The following ZCCHC7 variants were observed in gnomAD, a reference collection of about 807,000 sequenced individuals.
ZCCHC7 encodes zinc finger CCHC domain-containing protein 7.
In ZCCHC7, 35 loss-of-function variants were observed where a neutral mutation model predicts 52.0. The ratio of observed to expected loss-of-function variants is 0.67; its 90% confidence interval spans 0.51 to 0.89. ZCCHC7 has a LOEUF of 0.89. Among genes scored for constraint, ZCCHC7 ranks in the 40% least tolerant of loss-of-function variants. The pLI is 0.00. For synonymous variants in ZCCHC7, 217 were observed against 221.5 expected (o/e 0.98, Z 0.18); for missense variants, 574 against 649.1 (o/e 0.88, Z 1.26).
intron 2 of ZCCHC7, among the ~76,000 whole-genome samples, chr9:37,151,010 G>A (rs1429254960): frequency 6.7e-6 from 1 of 148,932 alleles, no homozygotes; most frequent in African/African-American, 2.5e-5. Context: ...TGTTGCTCTG[G>A]CTGGAGTGCA....
At chr9:37,168,076 T>C (rs1821525583) in intron 2 of ZCCHC7, among the ~76,000 whole-genome samples, 1 of 152,204 alleles carries the variant, frequency 6.6e-6, no homozygotes, top group Admixed American at 6.5e-5. Flanking sequence ...TCTTCCTGGG[T>C]TCTCATCCCT....
intron 2 of ZCCHC7, among the ~76,000 whole-genome samples, chr9:37,255,437 C>T (rs1013626198): frequency 6.6e-6 from 1 of 152,080 alleles, no homozygotes; most frequent in Non-Finnish European, 1.5e-5. Flanking sequence ...TGGACAAAGG[C>T]ATGATTCACA....
intron 5 of ZCCHC7, among the ~76,000 whole-genome samples, chr9:37,320,987 CTTTTTTTTTT>C (rs11303114): frequency 1.7e-5 from 2 of 116,226 alleles, no homozygotes; most frequent in Non-Finnish European, 3.6e-5. Flanking sequence ...TTTCTTTTTT[CTTTTTTTTTT>C]TTTTTTTTTG....
At chr9:37,335,506 C>T (rs893285820) in intron 6 of ZCCHC7, among the ~76,000 whole-genome samples, 18 of 152,084 alleles carry the variant, frequency 1.2e-4, no homozygotes, top group Admixed American at 3.9e-4. Flanking sequence ...GTTAAGTATA[C>T]GATGAGATGA....
intron 5 of ZCCHC7, among the ~76,000 whole-genome samples, chr9:37,315,395 G>A (rs1024894254): frequency 6.6e-6 from 1 of 151,604 alleles, no homozygotes; most frequent in African/African-American, 2.4e-5. Flanking sequence ...CGTGATCTTC[G>A]TTTGTTGTAA....
At chr9:37,170,327 T>A (rs1382416181) in intron 2 of ZCCHC7, among the ~76,000 whole-genome samples, 1 of 152,174 alleles carries the variant, frequency 6.6e-6, no homozygotes, top group Non-Finnish European at 1.5e-5. Context: ...TTAATTGAAA[T>A]TTTCCAAAGA....
intron 2 of ZCCHC7, among the ~76,000 whole-genome samples, chr9:37,225,610 T>C (rs1825057461): frequency 6.6e-6 from 1 of 152,190 alleles, no homozygotes; most frequent in Non-Finnish European, 1.5e-5. Context: ...TGAAGTTCAT[T>C]CTAGGAAGAA....
At chr9:37,324,645 C>T (rs969198115) in intron 5 of ZCCHC7, among the ~76,000 whole-genome samples, 4 of 152,166 alleles carry the variant, frequency 2.6e-5, no homozygotes, top group Non-Finnish European at 5.9e-5. Flanking sequence ...TATTCATATA[C>T]CAAATACAGT....
chr9:37,337,127 CT>C lies in ZCCHC7; in HGVS notation c.987+9294del, dbSNP rs146812746. Reference sequence around the variant, plus strand: ...AAGCGGATCTATTTCTTTATTTCCCCTAAAAGTGATTCCTTCTTCTGTCCAT... The same window carrying C: ...AAGCGGATCTATTTCTTTATTTCCCCAAAAGTGATTCCTTCTTCTGTCCAT... On this transcript the variant is annotated intron_variant, in intron 6 of 8. Transcript: ENST00000336755. 8.0e-4 allele frequency among the ~76,000 whole-genome samples: 121 copies of C among 152,178 alleles called. 2 individuals are homozygous for C. In the East Asian group the frequency reaches 0.023, roughly 29 times the overall value.
chr9:37,310,011 A>C (rs912020605), intron 5 of ZCCHC7, among the ~76,000 whole-genome samples: 3 of 152,164 alleles, frequency 2.0e-5, no homozygotes, highest in African/African-American at 7.2e-5. Context: ...CCAGATTACC[A>C]GATATATGTA....
At chr9:37,211,374 G>T (rs1442900522) in intron 2 of ZCCHC7, among the ~76,000 whole-genome samples, 1 of 151,958 alleles carries the variant, frequency 6.6e-6, no homozygotes, top group Non-Finnish European at 1.5e-5. Context: ...TTGGGGTTTT[G>T]GTTTTGGTTT....
In ZCCHC7 at chr9:37,159,580, C is replaced by G. The variant is rs547572567; in HGVS notation, c.610+32638C>G. 2.6e-5 allele frequency among the ~76,000 whole-genome samples: 4 copies of G among 152,292 alleles called. No individual in the cohort carries two copies. In the East Asian group the frequency reaches 7.7e-4, roughly 29 times the overall value. ...TCTGCTGTTATAGCTGACATTATTA[C>G]TGTATCTCAATGATTTTTGAGATTT... On this transcript the variant is annotated intron_variant, in intron 2 of 8. Transcript: ENST00000336755.
chr9:37,351,144 C>T (rs1044394950), intron 7 of ZCCHC7, among the ~76,000 whole-genome samples: 2 of 152,086 alleles, frequency 1.3e-5, no homozygotes, highest in Admixed American at 1.3e-4. Context: ...ATTGGGGCAG[C>T]AGCAACCGTG....
At chr9:37,265,107 A>G (rs1827040159) in intron 2 of ZCCHC7, among the ~76,000 whole-genome samples, 1 of 152,208 alleles carries the variant, frequency 6.6e-6, no homozygotes, top group Non-Finnish European at 1.5e-5. Flanking sequence ...TTTAGCAATT[A>G]TGAATCTCTT....
At chr9:37,218,894 C>A (rs933915633) in intron 2 of ZCCHC7, among the ~76,000 whole-genome samples, 9 of 150,776 alleles carry the variant, frequency 6.0e-5, no homozygotes, top group African/African-American at 1.7e-4. Flanking sequence ...GTGGGCAGCT[C>A]TGTAACTCTG....
intron 2 of ZCCHC7, among the ~76,000 whole-genome samples, chr9:37,204,884 T>G (rs781730560): frequency 6.6e-6 from 1 of 152,228 alleles, no homozygotes; most frequent in Non-Finnish European, 1.5e-5. Flanking sequence ...TTAGGCTGAC[T>G]TTGGATTTTG....
intron 5 of ZCCHC7, chr9:37,322,177 A>G (rs1251014280): frequency 6.6e-6 from 1 of 152,212 alleles, no homozygotes; most frequent in African/African-American, 2.4e-5. Context: ...TGTATTCACT[A>G]CCAAACCAGT....
At chr9:37,163,267 A>C (rs1292937000) in intron 2 of ZCCHC7, among the ~76,000 whole-genome samples, 1 of 151,838 alleles carries the variant, frequency 6.6e-6, no homozygotes, top group African/African-American at 2.4e-5. Flanking sequence ...ATGTGCCTAT[A>C]ATCCCAGCTA....
chr9:37,348,165 C>T (rs1314096678), intron 6 of ZCCHC7, among the ~76,000 whole-genome samples: 1 of 152,142 alleles, frequency 6.6e-6, no homozygotes, highest in Non-Finnish European at 1.5e-5. Flanking sequence ...CCTGGAGATC[C>T]TTACCTAGAT....
Sources: allele counts gnomAD v4.1 joint callset (sites outside exome capture counted in the v4.1 genomes callset), GRCh38; gene constraint gnomAD v4.1.1; transcripts MANE v1.5; gene names NCBI Gene and HGNC (gene_info 2026-07-23, HGNC 2026-07-21).